The following RBFOX1 variants were observed in gnomAD, a reference collection of about 807,000 sequenced individuals.
RBFOX1 encodes RNA binding protein fox-1 homolog 1.
In RBFOX1, 8 loss-of-function variants were observed where a neutral mutation model predicts 57.7. The ratio of observed to expected loss-of-function variants is 0.14; its 90% CI spans 0.08 to 0.25. The LOEUF (loss-of-function observed/expected upper bound fraction) is 0.25. Among genes scored for constraint, RBFOX1 ranks in the 10% least tolerant of loss-of-function variants. RBFOX1 has a pLI of 1.00. For synonymous variants in RBFOX1, 326 were observed against 222.4 expected (o/e 1.47, Z -4.15); for missense variants, 611 against 548.5 (o/e 1.11, Z -1.14).
At chr16:7,551,145 C>T (rs569861543) in intron 5 of RBFOX1, among the ~76,000 whole-genome samples, 4 of 150,672 alleles carry the variant, frequency 2.7e-5, no homozygotes, top group African/African-American at 4.9e-5. Context: ...GCTTTCGCCA[C>T]GATAGAGTAA....
At chr16:5,546,051 G>A (rs1343689799) in intron 2 of RBFOX1, among the ~76,000 whole-genome samples, 1 of 151,866 alleles carries the variant, frequency 6.6e-6, no homozygotes, top group Non-Finnish European at 1.5e-5. Flanking sequence ...GAAAATTAAA[G>A]TAAAAAATAC....
intron 3 of RBFOX1, among the ~76,000 whole-genome samples, chr16:6,905,389 C>T (rs147574926): frequency 1.3e-5 from 2 of 151,982 alleles, no homozygotes; most frequent in African/African-American, 4.8e-5. Context: ...CCCACCTCTA[C>T]TAAAAATACA....
chr16:6,903,073 C>T (rs975527320), intron 3 of RBFOX1, among the ~76,000 whole-genome samples: 1 of 152,126 alleles, frequency 6.6e-6, no homozygotes, highest in African/African-American at 2.4e-5. Flanking sequence ...TCTGTTGGAG[C>T]AACCTGACTC....
intron 2 of RBFOX1, among the ~76,000 whole-genome samples, chr16:6,473,031 T>C (rs1350393958): frequency 6.6e-6 from 1 of 152,168 alleles, no homozygotes; most frequent in Non-Finnish European, 1.5e-5. Context: ...AGATGTATGC[T>C]GGTATAACAG....
chr16:6,473,804 C>G (rs544325575), intron 2 of RBFOX1, among the ~76,000 whole-genome samples: 1 of 152,044 alleles, frequency 6.6e-6, no homozygotes, highest in Non-Finnish European at 1.5e-5. Context: ...TGCAGATGGG[C>G]TAAGTAGAAA....
At chr16:5,588,003 A>G (rs1188369334) in intron 2 of RBFOX1, among the ~76,000 whole-genome samples, 1 of 152,220 alleles carries the variant, frequency 6.6e-6, no homozygotes, top group Non-Finnish European at 1.5e-5. Context: ...TGGTCTCTCT[A>G]TGCAATAGAA....
At chr16:7,492,099 C>A (rs576427065) in intron 4 of RBFOX1, among the ~76,000 whole-genome samples, 1 of 152,260 alleles carries the variant, frequency 6.6e-6, no homozygotes, top group East Asian at 1.9e-4. Flanking sequence ...ATTTACCATG[C>A]CAAAAGGTGG....
intron 4 of RBFOX1, among the ~76,000 whole-genome samples, chr16:7,388,039 T>G (rs1445679755): frequency 2.0e-5 from 3 of 150,378 alleles, no homozygotes; most frequent in Non-Finnish European, 4.4e-5. Flanking sequence ...CTTTTTTTTG[T>G]TTTGCTTTTT....
intron 2 of RBFOX1, among the ~76,000 whole-genome samples, chr16:6,340,148 C>G (rs149278856): frequency 2.6e-5 from 4 of 152,174 alleles, no homozygotes; most frequent in African/African-American, 9.6e-5. Flanking sequence ...GCCCAAAATT[C>G]TTGTTAACCA....
intron 2 of RBFOX1, among the ~76,000 whole-genome samples, chr16:6,462,206 TC>T (rs2094935870): frequency 6.6e-6 from 1 of 152,160 alleles, no homozygotes; most frequent in Non-Finnish European, 1.5e-5. Context: ...TGTGGCCTCC[TC>T]CCCATCTACC....
At chr16:5,899,683 T>C (rs1597699454) in intron 4 of RBFOX1, among the ~76,000 whole-genome samples, 3 of 152,182 alleles carry the variant, frequency 2.0e-5, no homozygotes, top group Admixed American at 2.0e-4. Context: ...CTGGAGAGTC[T>C]GGTTTAAAAC....
chr16:6,586,393 G>C (rs1476967), intron 2 of RBFOX1, among the ~76,000 whole-genome samples: 1 of 152,008 alleles, frequency 6.6e-6, no homozygotes, highest in Non-Finnish European at 1.5e-5. Flanking sequence ...TCTATCTCCA[G>C]TGCGTCTTAA....
At chr16:5,908,392 G>T (rs1261047562) in intron 4 of RBFOX1, among the ~76,000 whole-genome samples, 1 of 150,584 alleles carries the variant, frequency 6.6e-6, no homozygotes, top group Non-Finnish European at 1.5e-5. Context: ...TGACTCTGTT[G>T]TCCAGGCTGG....
chr16:6,658,877 C>G (rs2098680251), intron 3 of RBFOX1, among the ~76,000 whole-genome samples: 1 of 151,722 alleles, frequency 6.6e-6, no homozygotes, highest in Non-Finnish European at 1.5e-5. Context: ...TGGAGTTTTT[C>G]ACCCTTTAAT....
At chr16:6,306,845 A>AC (rs2079568861) in intron 1 of RBFOX1, among the ~76,000 whole-genome samples, 2 of 151,680 alleles carry the variant, frequency 1.3e-5, no homozygotes, top group African/African-American at 2.4e-5. Flanking sequence ...AATGTCACAG[A>AC]CCCCCCAAAA....
intron 1 of RBFOX1, among the ~76,000 whole-genome samples, chr16:5,389,002 T>C (rs2066330262): frequency 6.6e-6 from 1 of 151,338 alleles, no homozygotes; most frequent in Non-Finnish European, 1.5e-5. Flanking sequence ...CCATCTTGGC[T>C]AACACGGTGA....
intron 15 of RBFOX1, chr16:7,709,811 T>G: frequency 7.9e-7 from 1 of 1,266,760 alleles, no homozygotes; most frequent in Non-Finnish European, 1.0e-6. Context: ...CTGTACTTGT[T>G]CAAACTTCTA....
intron 4 of RBFOX1, among the ~76,000 whole-genome samples, chr16:5,984,499 G>A (rs113500218): frequency 2.6e-5 from 4 of 152,160 alleles, no homozygotes; most frequent in African/African-American, 9.6e-5. Flanking sequence ...AGCATTGTCT[G>A]TGTGGCAGCT....
chr16:6,573,271 C>T (rs112207291), intron 2 of RBFOX1, among the ~76,000 whole-genome samples: 19 of 152,258 alleles, frequency 1.2e-4, no homozygotes, highest in African/African-American at 3.1e-4. Context: ...GCCACAAACA[C>T]GCCTCACCGA....
Sources: gnomAD v4.1 joint callset for allele counts (sites outside exome capture counted in the v4.1 genomes callset) on GRCh38, gnomAD v4.1.1 for gene constraint, MANE v1.5 for transcripts, NCBI Gene and HGNC (gene_info 2026-07-23, HGNC 2026-07-21) for gene names.